CFAP54: variants seen among roughly 807,000 people sequenced by gnomAD.
CFAP54 encodes the protein cilia and flagella associated protein 54.
Under a neutral mutation model 370.4 loss-of-function variants are expected in CFAP54, and 290 were observed. The ratio of observed to expected loss-of-function variants is 0.78; its 90% CI spans 0.71 to 0.86. The LOEUF (loss-of-function observed/expected upper bound fraction) is 0.86. Among genes scored for constraint, CFAP54 ranks in the 40% least tolerant of loss-of-function variants. The pLI is 0.00. For missense variants in CFAP54, 3,399 were observed against 3,528.7 expected (o/e 0.96, Z 0.93); for synonymous variants, 1,206 against 1,236.5 (o/e 0.98, Z 0.52).
intron 25 of CFAP54, among the ~76,000 whole-genome samples, chr12:96,598,109 T>TTAC (rs1956198196): frequency 5.4e-5 from 5 of 93,316 alleles, no homozygotes; most frequent in Non-Finnish European, 1.1e-4. Context: ...TGAAAAGCTA[T>TTAC]TCGTCTAGCT....
intron 51 of CFAP54, 94 bp from the exon 52 acceptor site, chr12:96,742,345 C>T: frequency 1.3e-6 from 1 of 799,234 alleles, no homozygotes; most frequent in Non-Finnish European, 2.0e-6. Flanking sequence ...TGGAATGATA[C>T]CAGATGCCTT....
chr12:96,645,833 AAAAC>A (rs1402715591), intron 33 of CFAP54: 1 of 152,250 alleles, frequency 6.6e-6, no homozygotes, highest in East Asian at 1.9e-4. Flanking sequence ...AAACCTGACA[AAAAC>A]AAAAAATGGG....
At chr12:96,567,719 A>G (rs924734868) in intron 19 of CFAP54, among the ~76,000 whole-genome samples, 2 of 151,878 alleles carry the variant, frequency 1.3e-5, no homozygotes, top group African/African-American at 2.4e-5. Context: ...TTGTTTTATG[A>G]TGACTGAATC....
intron 61 of CFAP54, 37 bp downstream of exon 61, chr12:96,784,927 T>C (rs1420810631): frequency 1.1e-5 from 15 of 1,341,500 alleles, no homozygotes; most frequent in Non-Finnish European, 1.5e-5. Context: ...AACATATTTC[T>C]TTCTAATTCC....
At chr12:96,754,437 GTATC>G (rs1236820657) in intron 56 of CFAP54, among the ~76,000 whole-genome samples, 1 of 152,164 alleles carries the variant, frequency 6.6e-6, no homozygotes, top group Non-Finnish European at 1.5e-5. Flanking sequence ...CATTTACTGA[GTATC>G]TATTAAATGC....
At chr12:96,746,330 G>C (rs1181835238) in intron 55 of CFAP54, among the ~76,000 whole-genome samples, 1 of 151,992 alleles carries the variant, frequency 6.6e-6, no homozygotes, top group Non-Finnish European at 1.5e-5. Context: ...ACTCCTTAAG[G>C]GTAGAGTCTG....
Position 96,732,559 on chromosome 12 carries a change from T to C in CFAP54, c.6966-7397T>C, listed in dbSNP as rs1351017501. Among the ~76,000 whole-genome samples the C allele has an allele frequency of 3.9e-5, 6 of 152,230 alleles. No individual in the cohort carries two copies. In the East Asian group the frequency reaches 1.2e-3, roughly 29 times the overall value. ...TTATTTTAATATGTAATAGGTTTACTATTTTTATTTTAAGAGGAATTAATA... is the reference window on the plus strand; with the variant it reads ...TTATTTTAATATGTAATAGGTTTACCATTTTTATTTTAAGAGGAATTAATA... On this transcript the variant is annotated intron_variant, in intron 50 of 67. Coordinates refer to ENST00000524981, the MANE Select transcript of CFAP54 (RefSeq NM_001306084.2).
intron 2 of CFAP54, among the ~76,000 whole-genome samples, chr12:96,503,115 C>G (rs1327195364): frequency 7.3e-6 from 1 of 137,348 alleles, no homozygotes; most frequent in Non-Finnish European, 1.5e-5. Context: ...TCCTTCCTTC[C>G]TTCTTTCTCG....
intron 63 of CFAP54, among the ~76,000 whole-genome samples, chr12:96,800,010 T>C (rs912517747): frequency 6.6e-6 from 1 of 152,166 alleles, no homozygotes; most frequent in African/African-American, 2.4e-5. Flanking sequence ...TAAAAGATTA[T>C]ATCCATTCGG....
At chr12:96,773,267 G>T (rs977730319) in intron 60 of CFAP54, among the ~76,000 whole-genome samples, 1 of 151,756 alleles carries the variant, frequency 6.6e-6, no homozygotes, top group African/African-American at 2.4e-5. Flanking sequence ...TCAGGAATTT[G>T]TCTGAAGAAT....
In CFAP54 at chr12:96,534,204, AT is replaced by A; in HGVS notation, c.1685del (p.Leu562Ter). On this transcript the variant is annotated frameshift_variant, in exon 11 of 68. Coordinates refer to ENST00000524981, the MANE Select transcript of CFAP54 (RefSeq NM_001306084.2). LOFTEE classifies it high-confidence loss of function. ...NYKEGQSTQIYLKKIAVHDTC... is the reference protein window; with the variant it reads ...NYKEGQSTQIXLKKIAVHDTC... ...AAAGAAGGACAGTCAACTCAAATTT[AT>A]TTAAAAAAAATTGCTGTTCATGGTA... 1 of 1,462,728 alleles carries A rather than the reference AT, an allele frequency of 6.8e-7. No individual in the cohort carries two copies. Among genetic ancestry groups the A allele is most frequent in the Non-Finnish European group, 9.1e-7 (1 of 1,098,390 alleles). The allele number at this position is 1,462,728 out of a possible 1,614,324, so 90.6% of individuals were successfully genotyped here.
intron 27 of CFAP54, 40 bp from the exon 28 acceptor site, chr12:96,623,727 C>T (rs1249182494): frequency 9.9e-7 from 1 of 1,010,510 alleles, no homozygotes; most frequent in South Asian, 1.5e-5. Flanking sequence ...GTTGTTGCAA[C>T]ACGTTAAAGT....
intron 1 of CFAP54, among the ~76,000 whole-genome samples, chr12:96,499,934 A>C (rs1466253337): frequency 1.3e-5 from 2 of 149,890 alleles, no homozygotes; most frequent in Non-Finnish European, 3.0e-5. Context: ...TGACAGGAGC[A>C]AGACTCCATC....
rs140065891 is a variant in CFAP54 at position 96,797,616 on chromosome 12, C to A, written c.8850+5117C>A. Among the ~76,000 whole-genome samples, 31 of 151,962 alleles carry A rather than the reference C, an allele frequency of 2.0e-4. 1 individual carries two copies. The highest frequency in any genetic ancestry group is 5.2e-4 in the Admixed American group (8 of 15,266). ...TAATTATGCTTTTTAAATTACATGA[C>A]CTTTTTGTAATAATGTTCACTTTCC... On this transcript the variant is annotated intron_variant, in intron 63 of 67. Transcript: ENST00000524981.
chr12:96,689,248 C>T (rs1957362915), intron 43 of CFAP54, among the ~76,000 whole-genome samples: 1 of 151,932 alleles, frequency 6.6e-6, no homozygotes, highest in Non-Finnish European at 1.5e-5. Flanking sequence ...GTGACCTCTG[C>T]CTCCCGGGTT....
intron 20 of CFAP54, among the ~76,000 whole-genome samples, chr12:96,578,018 C>T (rs558205561): frequency 2.6e-5 from 4 of 152,080 alleles, no homozygotes; most frequent in African/African-American, 7.2e-5. Context: ...GCCGAGATCA[C>T]GCCATGACAT....
rs576274811 is a variant in CFAP54, at chr12:96,752,453, C to T, written c.7685-1290C>T. 1.4e-4 allele frequency among the ~76,000 whole-genome samples: 22 copies of T among 152,308 alleles called. No homozygotes were observed. In the South Asian group the frequency reaches 4.4e-3, roughly 30 times the overall value. ...GTAGCACCAATGACTGGCCAGGATC[C>T]AGCACTTCAGCTAGAATTCAGTATC... On this transcript the variant is annotated intron_variant, in intron 55 of 67. Coordinates refer to ENST00000524981, the MANE Select transcript of CFAP54 (RefSeq NM_001306084.2).
chr12:96,737,883 A>G (rs938329648), intron 50 of CFAP54, among the ~76,000 whole-genome samples: 1 of 151,722 alleles, frequency 6.6e-6, no homozygotes, highest in African/African-American at 2.4e-5. Flanking sequence ...GACACTGATG[A>G]AGCTGAACAT....
chr12:96,786,347 A>G (rs1958628762), intron 61 of CFAP54, among the ~76,000 whole-genome samples: 1 of 151,830 alleles, frequency 6.6e-6, no homozygotes, highest in African/African-American at 2.4e-5. Flanking sequence ...TGCCCAGCTA[A>G]TTTTTATATT....
Sources: allele counts gnomAD v4.1 joint callset (sites outside exome capture counted in the v4.1 genomes callset), GRCh38; gene constraint gnomAD v4.1.1; transcripts MANE v1.5; gene names NCBI Gene and HGNC (gene_info 2026-07-23, HGNC 2026-07-21).